Variants in DTNA observed in about 807,000 individuals in gnomAD.
The protein encoded by DTNA is dystrobrevin alpha, also known as dystrophin-related protein 3.
A neutral mutation model predicts 100.7 loss-of-function variants in DTNA; 43 were observed. That is an observed-to-expected ratio of 0.43 (90% CI 0.33 to 0.55). The LOEUF (loss-of-function observed/expected upper bound fraction) is 0.55, where lower values mean the gene tolerates loss of function less well. DTNA is among the 20% of genes least tolerant of loss of function. The pLI, the probability that DTNA is intolerant of heterozygous loss-of-function variation, is 0.04. For synonymous variants in DTNA, 349 were observed against 347.9 expected, an observed-to-expected ratio of 1.00 and a Z score of -0.04; for missense variants, 798 against 953.9, an observed-to-expected ratio of 0.84 and a Z score of 2.15.
chr18:34,543,297 C>A (rs2044433404), intron 1 of DTNA, among the ~76,000 whole-genome samples: 1 of 151,482 alleles, frequency 6.6e-6, no homozygotes, highest in Non-Finnish European at 1.5e-5. Context: ...TATTTTAAAC[C>A]ATCATGTGGG....
At chr18:34,559,665 A>C (rs1184553555) in intron 1 of DTNA, among the ~76,000 whole-genome samples, 7 of 152,212 alleles carry the variant, frequency 4.6e-5, no homozygotes, top group Non-Finnish European at 2.9e-5. Flanking sequence ...GCCATGTTCA[A>C]CTGAAACAGA....
chr18:34,555,998 G>T (rs1238565969), intron 1 of DTNA, among the ~76,000 whole-genome samples: 2 of 149,788 alleles, frequency 1.3e-5, no homozygotes, highest in Non-Finnish European at 3.0e-5. Context: ...TTAATGTGTG[G>T]GAGTCTAAGT....
At chr18:34,559,388 G>A (rs2046428335) in intron 1 of DTNA, among the ~76,000 whole-genome samples, 2 of 152,198 alleles carry the variant, frequency 1.3e-5, no homozygotes, top group African/African-American at 4.8e-5. Flanking sequence ...CAAAAATACT[G>A]AATGGGCGTT....
At chr18:34,836,997 A>G (rs1050903329) in intron 11 of DTNA, among the ~76,000 whole-genome samples, 1 of 152,116 alleles carries the variant, frequency 6.6e-6, no homozygotes, top group African/African-American at 2.4e-5. Context: ...AACTTGTAGT[A>G]CAAAGTTTTT....
intron 3 of DTNA, among the ~76,000 whole-genome samples, chr18:34,791,299 C>T (rs1190743353): frequency 6.6e-6 from 1 of 152,128 alleles, no homozygotes; most frequent in African/African-American, 2.4e-5. Context: ...ATGCTCCTCT[C>T]CCCAGATGTC....
intron 1 of DTNA, among the ~76,000 whole-genome samples, chr18:34,648,824 C>G (rs2060135373): frequency 6.6e-6 from 1 of 152,178 alleles, no homozygotes; most frequent in Non-Finnish European, 1.5e-5. Context: ...TGCATAATCA[C>G]AGTGAAGAAT....
chr18:34,780,606 A>G (rs1376584656), intron 3 of DTNA, among the ~76,000 whole-genome samples: 1 of 152,218 alleles, frequency 6.6e-6, no homozygotes, highest in African/African-American at 2.4e-5. Context: ...AAATTTATGT[A>G]ACTAAACAAG....
chr18:34,815,528 G>A (rs375005817), intron 6 of DTNA: 100 of 230,816 alleles, frequency 4.3e-4, no homozygotes, highest in South Asian at 3.9e-3. Context: ...AAGACTGACT[G>A]ACAGGAAAAT....
chr18:34,649,167 T>C (rs1461398710), intron 1 of DTNA, among the ~76,000 whole-genome samples: 3 of 152,202 alleles, frequency 2.0e-5, no homozygotes, highest in Non-Finnish European at 2.9e-5. Context: ...TCCCCATTCA[T>C]TCTTGGGTTA....
intron 18 of DTNA, among the ~76,000 whole-genome samples, chr18:34,876,626 C>T: frequency 6.6e-6 from 1 of 152,114 alleles, no homozygotes; most frequent in African/African-American, 2.4e-5. Flanking sequence ...ATCATAATAT[C>T]CAGGGATAGC....
chr18:34,750,769 G>A (rs183252185), intron 1 of DTNA, among the ~76,000 whole-genome samples: 92 of 152,236 alleles, frequency 6.0e-4, no homozygotes, highest in Non-Finnish European at 1.1e-3. Flanking sequence ...ATTAGTTTCA[G>A]CTTCTGCCTT....
intron 1 of DTNA, among the ~76,000 whole-genome samples, chr18:34,678,179 C>T (rs2077623367): frequency 6.6e-6 from 1 of 152,082 alleles, no homozygotes; most frequent in Non-Finnish European, 1.5e-5. Flanking sequence ...ATGAGAACTA[C>T]AAGTCAAGGC....
At chr18:34,664,470 G>C (rs927892769) in intron 1 of DTNA, among the ~76,000 whole-genome samples, 3 of 152,146 alleles carry the variant, frequency 2.0e-5, no homozygotes, top group African/African-American at 7.2e-5. Flanking sequence ...GAAAGGTGGG[G>C]TAGGTTAATG....
At chr18:34,878,080 C>A (rs1038439650) in intron 19 of DTNA, among the ~76,000 whole-genome samples, 1 of 151,984 alleles carries the variant, frequency 6.6e-6, no homozygotes, top group African/African-American at 2.4e-5. Context: ...TCAAGTGATC[C>A]CCCTACCTCA....
At chr18:34,711,524 C>T (rs531574845) in intron 1 of DTNA, among the ~76,000 whole-genome samples, 7 of 152,194 alleles carry the variant, frequency 4.6e-5, no homozygotes, top group Admixed American at 3.9e-4. Flanking sequence ...ATTCACTGTC[C>T]ACCTGAAAAA....
intron 17 of DTNA, among the ~76,000 whole-genome samples, chr18:34,864,936 C>T (rs932165360): frequency 6.6e-6 from 1 of 152,178 alleles, no homozygotes. Context: ...TTTAGTAAAG[C>T]CTTATTCCCT....
rs2050551694 is a variant in DTNA at position 34,596,136 on chromosome 18, A to G, written c.-2+102622A>G. 5.9e-5 allele frequency among the ~76,000 whole-genome samples: 9 copies of G among 152,136 alleles called. 1 individual carries two copies. Among genetic ancestry groups the G allele is most frequent in the Admixed American group, 5.9e-4 (9 of 15,270 alleles). ...AGTGACCTCACCTCTCTGATTTCTG[A>G]TCTTCTCCTAAGTTTTCATATGCCA... On this transcript the variant is annotated intron_variant, in intron 1 of 19. Coordinates refer to the DTNA transcript ENST00000283365.
At chr18:34,638,396 T>TA (rs1184258258) in intron 1 of DTNA, among the ~76,000 whole-genome samples, 2 of 152,210 alleles carry the variant, frequency 1.3e-5, no homozygotes, top group Non-Finnish European at 2.9e-5. Flanking sequence ...GAAACTGAGA[T>TA]ACGATATTTA....
chr18:34,712,979 A>G (rs993923004), intron 1 of DTNA, among the ~76,000 whole-genome samples: 16 of 152,156 alleles, frequency 1.1e-4, no homozygotes, highest in Non-Finnish European at 2.1e-4. Context: ...CCAATGAATG[A>G]TGACTCAATA....
Sources: gnomAD v4.1 joint callset for allele counts (sites outside exome capture counted in the v4.1 genomes callset) on GRCh38, gnomAD v4.1.1 for gene constraint, MANE v1.5 for transcripts, NCBI Gene and HGNC (gene_info 2026-07-23, HGNC 2026-07-21) for gene names.